The following UROS variants were observed in gnomAD, a reference collection of about 807,000 sequenced individuals.
UROS encodes the protein uroporphyrinogen III synthase.
UROS carries 18 observed loss-of-function variants against 33.0 expected under a neutral mutation model. That is an observed-to-expected ratio of 0.55 (90% CI 0.38 to 0.81). The LOEUF (loss-of-function observed/expected upper bound fraction) is 0.81, where lower values mean the gene tolerates loss of function less well. UROS is among the 30% of genes least tolerant of loss of function. The pLI, the probability that UROS is intolerant of heterozygous loss-of-function variation, is 0.00. For synonymous variants in UROS, 114 were observed against 121.1 expected, an observed-to-expected ratio of 0.94 and a Z score of 0.38; for missense variants, 293 against 314.9, an observed-to-expected ratio of 0.93 and a Z score of 0.53.
intron 8 of UROS, 38 bp downstream of exon 8, chr10:125,796,065 C>A: frequency 6.3e-7 from 1 of 1,599,518 alleles, no homozygotes. Flanking sequence ...CCCACCTGGG[C>A]ACCCACCCTG....
intron 6 of UROS, chr10:125,802,069 A>G: frequency 1.0e-6 from 1 of 985,452 alleles, no homozygotes; most frequent in Middle Eastern, 5.2e-4. Flanking sequence ...AAGATCTACC[A>G]TTTACATTTA....
At chr10:125,803,158 T>C in intron 6 of UROS, 3 of 1,248,622 alleles carry the variant, frequency 2.4e-6, no homozygotes, top group Non-Finnish European at 1.1e-6. Context: ...CTATTAGCTC[T>C]GTTCCTTATG....
chr10:125,809,804 A>C (rs1852640320), intron 5 of UROS, among the ~76,000 whole-genome samples: 1 of 152,180 alleles, frequency 6.6e-6, no homozygotes, highest in Non-Finnish European at 1.5e-5. Flanking sequence ...AGTTCAAGTG[A>C]TCTGCCTGCT....
chr10:125,811,967 T>G (rs1852855226), intron 5 of UROS, among the ~76,000 whole-genome samples: 1 of 152,190 alleles, frequency 6.6e-6, no homozygotes, highest in South Asian at 2.1e-4. Flanking sequence ...TACAAACATT[T>G]TAATAAAGCT....
Position 125,823,220 on chromosome 10 carries a change from C to G in UROS, c.-218G>C, listed in dbSNP as rs1854167401. 1 of 221,568 alleles carries G rather than the reference C, an allele frequency of 4.5e-6. No individual in the cohort carries two copies. Among genetic ancestry groups the G allele is most frequent in the Non-Finnish European group, 8.9e-6 (1 of 111,840 alleles). 13.7% of individuals were successfully genotyped at this position (221,568 alleles called of 1,614,324 possible). A position where few individuals can be genotyped will look rare whatever the true frequency, so the allele number is the denominator to read the frequency against. On this transcript the variant is annotated 5_prime_UTR_variant, in exon 1 of 10. Coordinates refer to ENST00000368797, the MANE Select transcript of UROS (RefSeq NM_000375.3). ...AGGACCCCGCACCTCAGACTGGGGT[C>G]GCGTGGGTGGCTGCGCGCAGCTAGG...
chr10:125,822,929 G>C (rs943212025), intron 1 of UROS, 100 bp downstream of exon 1: 2 of 152,206 alleles, frequency 1.3e-5, no homozygotes, highest in South Asian at 2.1e-4. Flanking sequence ...CGGAAGCCTC[G>C]GGGCCCTGGC....
At chr10:125,796,789 C>T (rs918742688) in intron 7 of UROS, 18 of 985,222 alleles carry the variant, frequency 1.8e-5, no homozygotes, top group African/African-American at 3.5e-5. Context: ...AAGGGACTCA[C>T]GCAATTTCAG....
chr10:125,808,740 G>C (rs1000823625), intron 5 of UROS, among the ~76,000 whole-genome samples: 32 of 152,366 alleles, frequency 2.1e-4, no homozygotes, highest in African/African-American at 7.5e-4. Flanking sequence ...GTACTTGAGA[G>C]GGAAGGAAGC....
At chr10:125,821,361 T>C (rs1044172173) in intron 1 of UROS, among the ~76,000 whole-genome samples, 1 of 152,232 alleles carries the variant, frequency 6.6e-6, no homozygotes, top group African/African-American at 2.4e-5. Context: ...TTTGAAGACA[T>C]CATGCTGAAT....
intron 1 of UROS, among the ~76,000 whole-genome samples, chr10:125,822,371 G>A (rs888831217): frequency 4.7e-5 from 7 of 148,182 alleles, no homozygotes; most frequent in Non-Finnish European, 7.5e-5. Flanking sequence ...GCTGGAGTGT[G>A]GAGTGCGGTG....
At position 125,789,684 on chromosome 10, in the gene UROS, C is replaced by T. The variant is rs545207357; in HGVS notation, c.661-679G>A. Among the ~76,000 whole-genome samples the T allele has an allele frequency of 1.1e-4, 16 of 152,302 alleles. No individual in the cohort carries two copies. In the East Asian group the frequency reaches 2.1e-3, roughly 20 times the overall value. On this transcript the variant is annotated intron_variant, in intron 9 of 9. Transcript: ENST00000368797. ...TCGTGATACTTCCAATCAGCCAATC[C>T]GGGGCACTGGCCTCATCCACAGGAC...
intron 9 of UROS, 159 bp from the exon 10 acceptor site, chr10:125,789,164 C>T (rs1337853656): frequency 2.1e-6 from 3 of 1,419,804 alleles, no homozygotes; most frequent in African/African-American, 2.8e-5. Context: ...GATTCTAGCC[C>T]AGCTTCTGAG....
In UROS at chr10:125,788,720, C is replaced by T; in HGVS notation, c.*148G>A. 5 of 1,439,812 alleles carry T rather than the reference C, an allele frequency of 3.5e-6. No homozygotes were observed. Among genetic ancestry groups the T allele is most frequent in the Non-Finnish European group, 3.6e-6 (4 of 1,100,976 alleles). The allele number at this position is 1,439,812 out of a possible 1,614,324, so 89.2% of individuals were successfully genotyped here. A position where few individuals can be genotyped will look rare whatever the true frequency, so the allele number is the denominator to read the frequency against. On this transcript the variant is annotated 3_prime_UTR_variant, in exon 10 of 10. Coordinates refer to ENST00000368797, the MANE Select transcript of UROS (RefSeq NM_000375.3). Reference sequence around the variant, plus strand: ...GCCTGAGGCCAGCCCCAGGTCAGGTCCCGATCCCCGGTCCTCAGGTGCTTC... The same window carrying T: ...GCCTGAGGCCAGCCCCAGGTCAGGTTCCGATCCCCGGTCCTCAGGTGCTTC...
At chr10:125,798,533 C>A (rs1481763571) in intron 6 of UROS, among the ~76,000 whole-genome samples, 1 of 152,194 alleles carries the variant, frequency 6.6e-6, no homozygotes, top group East Asian at 1.9e-4. Context: ...GGCACTGGGG[C>A]AAACATTTTC....
In UROS at chr10:125,798,069, G is replaced by C. The variant is rs776745941; in HGVS notation, c.471C>G (p.Asp157Glu). 18 of 1,613,968 alleles carry C rather than the reference G, an allele frequency of 1.1e-5. No individual in the cohort carries two copies. Among genetic ancestry groups the C allele is most frequent in the Non-Finnish European group, 1.5e-5 (18 of 1,179,846 alleles). Residue 157 changes from aspartate (D) to glutamate (E), a missense_variant, in exon 7 of 10, where the codon GAC becomes GAG. Asp to Glu is a conservative substitution (Grantham distance 45). Coordinates refer to ENST00000368797, the MANE Select transcript of UROS (RefSeq NM_000375.3). ...CAGTCAAAGCATTCTACTCGCCTTT[G>C]TCCTTGAGCGCTTTTGGCAGGATTT... is the stretch of plus-strand genomic sequence containing the variant. The part of the protein sequence containing the change: ...KREILPKALK[D>E]KGIAMESITV...
At chr10:125,798,326 G>A (rs777806799) in intron 6 of UROS, among the ~76,000 whole-genome samples, 181 bp from the exon 7 acceptor site, 25 of 152,174 alleles carry the variant, frequency 1.6e-4, no homozygotes, top group Non-Finnish European at 3.4e-4. Flanking sequence ...CGAACTTGAA[G>A]GGTTGTTATA....
rs141397745 is a variant in UROS at position 125,812,609 on chromosome 10, A to G, written c.245-321T>C. Among the ~76,000 whole-genome samples the G allele has an allele frequency of 7.0e-4, 107 of 152,350 alleles. No individual in the cohort carries two copies. The South Asian group carries it at 0.01, about 15-fold the overall frequency. ...AGAATTAATCTGCATAGTGAAATCA[A>G]AAATTTAAATCTAGACTTTTAAAGA... On this transcript the variant is annotated intron_variant, in intron 4 of 9. Coordinates refer to ENST00000368797, the MANE Select transcript of UROS (RefSeq NM_000375.3).
chr10:125,815,840 G>A lies in UROS; in HGVS notation c.147+337C>T, dbSNP rs141503826. 8.5e-5 allele frequency among the ~76,000 whole-genome samples: 13 copies of A among 152,226 alleles called. No individual in the cohort carries two copies. In the East Asian group the frequency reaches 1.5e-3, roughly 18 times the overall value. On this transcript the variant is annotated intron_variant, in intron 3 of 9. Coordinates refer to ENST00000368797, the MANE Select transcript of UROS (RefSeq NM_000375.3). ...AAAACGGGAAAATAATACCTCCCTG[G>A]CCTGCTTTGCAGAAGTTGGGGGTGA...
At chr10:125,817,457 A>G (rs753617935) in intron 1 of UROS, among the ~76,000 whole-genome samples, 7 of 151,678 alleles carry the variant, frequency 4.6e-5, no homozygotes, top group Admixed American at 1.3e-4. Flanking sequence ...GGAAGGAAGT[A>G]TGGTGTCACA....
Sources: allele counts gnomAD v4.1 joint callset (sites outside exome capture counted in the v4.1 genomes callset), GRCh38; gene constraint gnomAD v4.1.1; transcripts MANE v1.5; gene names NCBI Gene and HGNC (gene_info 2026-07-23, HGNC 2026-07-21).